Variants in JADE2 observed in about 807,000 individuals in gnomAD.
The protein encoded by JADE2 is jade family PHD finger 2.
Under a neutral mutation model 85.7 loss-of-function variants are expected in JADE2, and 13 were observed. That is an observed-to-expected ratio of 0.15 (90% CI 0.10 to 0.24). The LOEUF (loss-of-function observed/expected upper bound fraction) is 0.24, where lower values mean the gene tolerates loss of function less well. JADE2 is among the 10% of genes least tolerant of loss of function. The pLI, the probability that JADE2 is intolerant of heterozygous loss-of-function variation, is 1.00. For synonymous variants in JADE2, 440 were observed against 456.1 expected, an observed-to-expected ratio of 0.96 and a Z score of 0.45; for missense variants, 846 against 1,115.9, an observed-to-expected ratio of 0.76 and a Z score of 3.45.
At chr5:134,567,598 G>C (rs1351787582) in intron 9 of JADE2, among the ~76,000 whole-genome samples, 1 of 152,170 alleles carries the variant, frequency 6.6e-6, no homozygotes, top group African/African-American at 2.4e-5. Flanking sequence ...CTGGGCAGGA[G>C]CATGCAGGGA....
Position 134,562,907 on chromosome 5 carries a change from G to A in JADE2, c.852+540G>A, listed in dbSNP as rs570707331. On this transcript the variant is annotated intron_variant, in intron 7 of 11. Coordinates refer to ENST00000681547, the MANE Select transcript of JADE2 (RefSeq NM_001388185.1). The surrounding 1 kb of genome is among the most constrained non-coding windows in gnomAD (Gnocchi z 4.6). ...CTATGAGAAAATGGGGTTAGGGACC[G>A]CTAGGAGATTTCAGGAGATAGGGAT... 1.3e-5 allele frequency among the ~76,000 whole-genome samples: 2 copies of A among 152,318 alleles called. No individual in the cohort carries two copies. Among genetic ancestry groups the A allele is most frequent in the African/African-American group, 4.8e-5 (2 of 41,576 alleles).
At position 134,578,758 on chromosome 5, in the gene JADE2, A is replaced by AACCACC. The variant is rs527326162; in HGVS notation, c.1959_1964dup (p.Pro654_Pro655dup). On this transcript the variant is annotated inframe_insertion, in exon 12 of 12. Transcript: ENST00000681547. The surrounding 1 kb of genome is among the most constrained non-coding windows in gnomAD (Gnocchi z 4.4). ...CGCACCCGCCTGCCTGCCAAGAAGA[A>AACCACC]ACCACCACCACCACCACCGCAGGAC... The AACCACC allele has an allele frequency of 2.5e-6, 4 of 1,613,560 alleles. No individual in the cohort carries two copies. Among genetic ancestry groups the AACCACC allele is most frequent in the Non-Finnish European group, 8.5e-7 (1 of 1,179,892 alleles).
At chr5:134,565,818 C>A (rs545652435) in intron 8 of JADE2, among the ~76,000 whole-genome samples, 1 of 102,440 alleles carries the variant, frequency 9.8e-6, no homozygotes, top group South Asian at 3.0e-4. Flanking sequence ...CAGAGTGAGA[C>A]TCTGTCTCAA....
At chr5:134,560,979 C>T (rs1186784710) in intron 6 of JADE2, 22 bp downstream of exon 6, 1 of 1,601,610 alleles carries the variant, frequency 6.2e-7, no homozygotes, top group Middle Eastern at 1.7e-4. Context: ...CCCCAGTCAC[C>T]CTCACCTGTG....
chr5:134,551,369 C>T (rs1270602031), intron 3 of JADE2, among the ~76,000 whole-genome samples: 2 of 152,008 alleles, frequency 1.3e-5, no homozygotes, highest in African/African-American at 4.8e-5. Flanking sequence ...GCTGGGACCC[C>T]AGGCATGTGC....
intron 1 of JADE2, among the ~76,000 whole-genome samples, chr5:134,532,116 C>T (rs765686601): frequency 5.3e-5 from 8 of 151,984 alleles, no homozygotes; most frequent in Non-Finnish European, 1.2e-4. Context: ...AACTCCTAAG[C>T]TCAAGTGAGC....
chr5:134,580,430 C>CT lies in JADE2; in HGVS notation c.*1113_*1114insT, dbSNP rs1464302969. On this transcript the variant is annotated 3_prime_UTR_variant, in exon 12 of 12. Transcript: ENST00000681547. ...CTTAACCCCTCGCACAGCCATCCCC[C>CT]CCCCCGTCCTGCCATCCCCCCCCGC... 6 of 125,032 alleles carry CT rather than the reference C, an allele frequency of 4.8e-5. No individual in the cohort carries two copies. The highest frequency in any genetic ancestry group is 2.5e-4 in the Admixed American group (3 of 12,240). 7.7% of individuals were successfully genotyped at this position (125,032 alleles called of 1,614,324 possible).
At chr5:134,574,172 G>A (rs1764222306) in intron 10 of JADE2, 1 of 294,860 alleles carries the variant, frequency 3.4e-6, no homozygotes, top group Non-Finnish European at 6.5e-6. Flanking sequence ...TTCCGAAGAA[G>A]GCAGCTGTCC....
chr5:134,581,497 T>G lies in JADE2; in HGVS notation c.*2180T>G, dbSNP rs1764709183. 1 of 152,600 alleles carries G rather than the reference T, an allele frequency of 6.6e-6. No homozygotes were observed. The highest frequency in any genetic ancestry group is 1.5e-5 in the Non-Finnish European group (1 of 68,240). 9.5% of individuals were successfully genotyped at this position (152,600 alleles called of 1,614,324 possible). ...GCCCAGGGTCCAGCAGTCTCAGCACTTGGCCCCTTGCCCCTTCACACCATC... is the reference window on the plus strand; with the variant it reads ...GCCCAGGGTCCAGCAGTCTCAGCACGTGGCCCCTTGCCCCTTCACACCATC... On this transcript the variant is annotated 3_prime_UTR_variant, in exon 12 of 12. Coordinates refer to ENST00000681547, the MANE Select transcript of JADE2 (RefSeq NM_001388185.1).
chr5:134,527,481 C>T (rs988392486), intron 1 of JADE2, among the ~76,000 whole-genome samples: 1 of 152,210 alleles, frequency 6.6e-6, no homozygotes, highest in Non-Finnish European at 1.5e-5. Context: ...CTACACACAG[C>T]TACCACCCCA....
rs1763211395 is a variant in JADE2 at position 134,559,764 on chromosome 5, C to A, written c.312-66C>A. 2.6e-6 allele frequency: 4 copies of A among 1,532,824 alleles called. No individual in the cohort carries two copies. In the Admixed American group the frequency reaches 7.9e-5, roughly 30 times the overall value. The allele number at this position is 1,532,824 out of a possible 1,614,324, so 95.0% of individuals were successfully genotyped here. On this transcript the variant is annotated intron_variant, in intron 4 of 11. Coordinates refer to ENST00000681547, the MANE Select transcript of JADE2 (RefSeq NM_001388185.1). ...GCTCCTGAGCTGGACTGGTCAGCTC[C>A]CTGGAGCCCCTATGGCGGCAGGCTG...
rs571838199 is a variant in JADE2, at chr5:134,533,853, C to G, written c.1-2005C>G. Among the ~76,000 whole-genome samples the G allele has an allele frequency of 6.0e-5, 9 of 150,530 alleles. No homozygotes were observed. The East Asian group carries it at 1.6e-3, about 27-fold the overall frequency. On this transcript the variant is annotated intron_variant, in intron 1 of 11. Transcript: ENST00000681547. ...CCTTGACCTCCCTGACTCAAGCTAT[C>G]CTCTCACCTCAGCCTCCTGCATAGC...
In JADE2 at chr5:134,525,817, C is replaced by G. The variant is rs933761582; in HGVS notation, c.-195C>G. ...CTTAGGTCCTGCGGGCCGACCGTCC[C>G]CGGCGGGGGGCGTGGGGCCTGGGAC... On this transcript the variant is annotated 5_prime_UTR_variant, in exon 1 of 12. Transcript: ENST00000681547. 6 of 1,011,860 alleles carry G rather than the reference C, an allele frequency of 5.9e-6. No homozygotes were observed. The African/African-American group carries it at 8.7e-5, about 15-fold the overall frequency. The allele number at this position is 1,011,860 out of a possible 1,614,324, so 62.7% of individuals were successfully genotyped here. A position where few individuals can be genotyped will look rare whatever the true frequency, so the allele number is the denominator to read the frequency against.
At chr5:134,553,764 T>A (rs1258176360) in intron 4 of JADE2, among the ~76,000 whole-genome samples, 1 of 152,202 alleles carries the variant, frequency 6.6e-6, no homozygotes, top group Non-Finnish European at 1.5e-5. Flanking sequence ...GGCCTCTGGG[T>A]AGGTTCCCCT....
intron 3 of JADE2, among the ~76,000 whole-genome samples, chr5:134,551,271 C>G (rs1204654552): frequency 6.6e-6 from 1 of 152,124 alleles, no homozygotes; most frequent in Non-Finnish European, 1.5e-5. Flanking sequence ...CACTGTCACT[C>G]AGGCTGGAGT....
chr5:134,576,630 C>A (rs931701505), intron 10 of JADE2, 138 bp from the exon 11 acceptor site: 122 of 1,111,928 alleles, frequency 1.1e-4, no homozygotes, highest in Non-Finnish European at 2.6e-5. Flanking sequence ...CCAGCCATCC[C>A]CTAACTCCAA....
chr5:134,536,431 C>T (rs998371390), intron 2 of JADE2, among the ~76,000 whole-genome samples: 1 of 152,174 alleles, frequency 6.6e-6, no homozygotes, highest in African/African-American at 2.4e-5. Context: ...GATACCCAAC[C>T]TTCATAGAAT....
intron 4 of JADE2, among the ~76,000 whole-genome samples, chr5:134,556,831 C>T (rs1195765719): frequency 6.8e-6 from 1 of 147,098 alleles, no homozygotes; most frequent in Non-Finnish European, 1.5e-5. Flanking sequence ...CATGCACACA[C>T]ACACATCACA....
At position 134,566,349 on chromosome 5, in the gene JADE2, G is replaced by C; in HGVS notation, c.1203G>C (p.Glu401Asp). ...GCAAGCAGCGGCTGCAGCAGCTAGA[G>C]GAGGACTTCTACGAGCTGGTGGAGC... is the stretch of plus-strand genomic sequence containing the variant. ...TLRKQRLQQL[E>D]EDFYELVEPA... is the part of the protein sequence containing the mutation. The change falls in exon 9 of 12, where the codon GAG becomes GAC. Residue 401 changes from glutamate (E) to aspartate (D), a missense_variant. Glu to Asp is a conservative substitution (Grantham distance 45). Around this residue, in one of 9 missense-constraint regions of JADE2, gnomAD observed 88 missense variants for 140.6 expected, o/e 0.63. Transcript: ENST00000681547. The surrounding 1 kb of genome is among the most constrained non-coding windows in gnomAD (Gnocchi z 6.7). The C allele has an allele frequency of 6.2e-7, 1 of 1,614,052 alleles. No homozygotes were observed. The highest frequency in any genetic ancestry group is 8.5e-7 in the Non-Finnish European group (1 of 1,180,020).
Sources: gnomAD v4.1 joint callset for allele counts (sites outside exome capture counted in the v4.1 genomes callset) on GRCh38, gnomAD v4.1.1 for gene constraint, gnomAD v4.1.1 regional missense constraint, Gnocchi (gnomAD v3.1) non-coding constraint, MANE v1.5 for transcripts, NCBI Gene and HGNC (gene_info 2026-07-23, HGNC 2026-07-21) for gene names.